Variants in NRXN3 observed in about 807,000 individuals in gnomAD.
The protein encoded by NRXN3 is neurexin III.
NRXN3 carries 32 observed loss-of-function variants against 137.6 expected under a neutral mutation model. That is an observed-to-expected ratio of 0.23 (90% CI 0.18 to 0.31). The LOEUF is 0.31. NRXN3 is among the 10% of genes least tolerant of loss of function. The pLI is 1.00. For synonymous variants in NRXN3, 798 were observed against 784.5 expected, an observed-to-expected ratio of 1.02 and a Z score of -0.29; for missense variants, 1,574 against 2,062.5, an observed-to-expected ratio of 0.76 and a Z score of 4.59.
intron 15 of NRXN3, among the ~76,000 whole-genome samples, chr14:79,096,726 A>C (rs2050416914): frequency 6.6e-6 from 1 of 151,848 alleles, no homozygotes; most frequent in South Asian, 2.1e-4. Flanking sequence ...CCATGTTTCT[A>C]TTGCTGCTGC....
At chr14:79,020,790 G>A (rs2099588308) in intron 15 of NRXN3, among the ~76,000 whole-genome samples, 1 of 151,362 alleles carries the variant, frequency 6.6e-6, no homozygotes, top group Admixed American at 6.6e-5. Context: ...TGTCCATATT[G>A]CAGGGTTTCC....
intron 4 of NRXN3, among the ~76,000 whole-genome samples, chr14:78,491,417 C>A (rs1021459939): frequency 1.3e-5 from 2 of 152,086 alleles, no homozygotes; most frequent in African/African-American, 4.8e-5. Context: ...CTGAATGAAG[C>A]GAGCGAGGAG....
chr14:78,992,042 G>A (rs1321135796), intron 15 of NRXN3, among the ~76,000 whole-genome samples: 1 of 152,164 alleles, frequency 6.6e-6, no homozygotes, highest in Non-Finnish European at 1.5e-5. Context: ...TGACTCCCTT[G>A]TATGGGGTTA....
At chr14:78,486,357 G>A (rs1461051164) in intron 4 of NRXN3, among the ~76,000 whole-genome samples, 3 of 152,148 alleles carry the variant, frequency 2.0e-5, no homozygotes, top group Admixed American at 6.6e-5. Context: ...GATGCCTCCT[G>A]TTCCTTTGGG....
At chr14:79,401,621 T>A (rs1213818761) in intron 15 of NRXN3, among the ~76,000 whole-genome samples, 1 of 152,186 alleles carries the variant, frequency 6.6e-6, no homozygotes, top group Non-Finnish European at 1.5e-5. Context: ...AAAGATGTCT[T>A]ATTTTGCTTC....
intron 5 of NRXN3, 40 bp from the exon 6 acceptor site, chr14:78,651,121 AGGTC>A (rs1458136808): frequency 6.3e-7 from 1 of 1,590,272 alleles, no homozygotes; most frequent in Admixed American, 1.7e-5. Flanking sequence ...TAGGATCGTA[AGGTC>A]ATTGTTGGGA....
rs527768764 is a variant in NRXN3, at chr14:79,117,257, A to C, written c.3262+129116A>C. On this transcript the variant is annotated intron_variant, in intron 15 of 20. Coordinates refer to ENST00000335750, the MANE Select transcript of NRXN3 (RefSeq NM_001330195.2). ...TCCACTATTTCACACATTTCATAAA[A>C]GATCTCAACATATAAATATTGCTTT... 2.0e-5 allele frequency among the ~76,000 whole-genome samples: 3 copies of C among 152,338 alleles called. No homozygotes were observed. In the South Asian group the frequency reaches 6.2e-4, roughly 32 times the overall value.
rs1361977996 is a variant in NRXN3 at position 79,062,477 on chromosome 14, C to T, written c.3262+74336C>T. 2.0e-5 allele frequency among the ~76,000 whole-genome samples: 3 copies of T among 152,132 alleles called. No homozygotes were observed. The South Asian group carries it at 6.2e-4, about 32-fold the overall frequency. ...CCAGGAATGTCCTTACTGACTCAGG[C>T]CCCCCAGAATGGTATTAATCCATTT... On this transcript the variant is annotated intron_variant, in intron 15 of 20. Coordinates refer to ENST00000335750, the MANE Select transcript of NRXN3 (RefSeq NM_001330195.2).
intron 4 of NRXN3, among the ~76,000 whole-genome samples, chr14:78,484,424 G>A (rs1403094616): frequency 6.6e-6 from 1 of 152,214 alleles, no homozygotes; most frequent in African/African-American, 2.4e-5. Flanking sequence ...CAGGGGCTGA[G>A]TCAGGAAGTA....
intron 15 of NRXN3, among the ~76,000 whole-genome samples, chr14:79,082,391 TTGTGTGTGTG>T (rs57728169): frequency 6.8e-6 from 1 of 146,936 alleles, no homozygotes. Context: ...TGCAAACTAA[TTGTGTGTGTG>T]TGTGTGTGTG....
intron 8 of NRXN3, among the ~76,000 whole-genome samples, chr14:78,740,429 C>G (rs2098560119): frequency 6.6e-6 from 1 of 151,264 alleles, no homozygotes; most frequent in African/African-American, 2.4e-5. Flanking sequence ...ATCTTTCCAT[C>G]TTTTGTCAGC....
At chr14:79,448,434 A>G (rs956259617) in intron 15 of NRXN3, among the ~76,000 whole-genome samples, 1 of 152,146 alleles carries the variant, frequency 6.6e-6, no homozygotes, top group African/African-American at 2.4e-5. Context: ...TTAGAGTATG[A>G]TCTCTATTAA....
chr14:78,937,491 A>G (rs142367764), intron 10 of NRXN3, among the ~76,000 whole-genome samples: 2,789 of 152,324 alleles, frequency 0.018, 45 homozygotes, highest in Non-Finnish European at 0.027. Flanking sequence ...TGTTTTGAGT[A>G]AATTACCCTT....
chr14:79,769,512 C>G (rs2099069183), intron 19 of NRXN3, among the ~76,000 whole-genome samples: 1 of 152,130 alleles, frequency 6.6e-6, no homozygotes, highest in Non-Finnish European at 1.5e-5. Context: ...AATCTCATAT[C>G]CAGCCAAACT....
At chr14:79,333,907 C>A (rs1281192700) in intron 15 of NRXN3, among the ~76,000 whole-genome samples, 2 of 152,146 alleles carry the variant, frequency 1.3e-5, no homozygotes, top group Non-Finnish European at 2.9e-5. Flanking sequence ...GTTGCCATCT[C>A]TCTCTCTCTC....
intron 7 of NRXN3, among the ~76,000 whole-genome samples, chr14:78,712,754 G>A (rs1394518931): frequency 1.3e-5 from 2 of 152,104 alleles, no homozygotes; most frequent in African/African-American, 4.8e-5. Context: ...GTAAAGATGG[G>A]GTTTCACCAT....
At chr14:79,668,376 A>G (rs2153993140) in intron 17 of NRXN3, among the ~76,000 whole-genome samples, 1 of 152,148 alleles carries the variant, frequency 6.6e-6, no homozygotes, top group Admixed American at 6.6e-5. Flanking sequence ...CCATCCTGTG[A>G]AGGACAGGGT....
chr14:78,420,852 T>C (rs2093413187), intron 4 of NRXN3, among the ~76,000 whole-genome samples: 1 of 152,126 alleles, frequency 6.6e-6, no homozygotes, highest in Non-Finnish European at 1.5e-5. Context: ...ATCTTACAAG[T>C]GGGTTTTTGA....
At chr14:79,345,770 CCTT>C (rs991178460) in intron 15 of NRXN3, among the ~76,000 whole-genome samples, 64 of 152,272 alleles carry the variant, frequency 4.2e-4, no homozygotes, top group African/African-American at 1.5e-3. Context: ...CCCCCCTTTA[CCTT>C]CTGCCATGAT....
Sources: allele counts gnomAD v4.1 joint callset (sites outside exome capture counted in the v4.1 genomes callset), GRCh38; gene constraint gnomAD v4.1.1; transcripts MANE v1.5; gene names NCBI Gene and HGNC (gene_info 2026-07-23, HGNC 2026-07-21).